The following DYDC2 variants were observed in gnomAD, a reference collection of about 807,000 sequenced individuals.
The protein encoded by DYDC2 is DPY30 domain containing 2, also known as DPY30 domain-containing protein 2.
DYDC2 carries 19 observed loss-of-function variants against 18.7 expected under a neutral mutation model. The ratio of observed to expected loss-of-function variants is 1.02; its 90% CI spans 0.71 to 1.49. DYDC2 has a LOEUF of 1.49. DYDC2 is among the 40% of genes most tolerant of loss of function. The pLI, the probability that DYDC2 is intolerant of heterozygous loss-of-function variation, is 0.00. For synonymous variants in DYDC2, 63 were observed against 67.6 expected, an observed-to-expected ratio of 0.93 and a Z score of 0.34; for missense variants, 179 against 205.1, an observed-to-expected ratio of 0.87 and a Z score of 0.78.
intron 3 of DYDC2, 53 bp downstream of exon 3, chr10:80,362,643 G>GA (rs1361858700): frequency 1.3e-6 from 2 of 1,547,350 alleles, no homozygotes; most frequent in Non-Finnish European, 1.7e-6. Context: ...AGAGTAATTT[G>GA]AAAGCCAAGA....
Position 80,358,012 on chromosome 10 carries a change from G to A in DYDC2, c.-43G>A. The stretch of plus-strand genomic sequence containing the variant: ...GTAAGCAGACCCTCAGAGGAGCTCT[G>A]GGAAACACTGAAAAATAGCCTCTCC... On this transcript the variant is annotated 5_prime_UTR_variant, in exon 2 of 5. Transcript: ENST00000256039. The A allele has an allele frequency of 1.0e-6, 1 of 985,542 alleles. No individual in the cohort carries two copies. The allele number at this position is 985,542 out of a possible 1,614,324, so 61.0% of individuals were successfully genotyped here.
intron 4 of DYDC2, among the ~76,000 whole-genome samples, chr10:80,365,529 G>A (rs538336231): frequency 6.6e-6 from 1 of 152,324 alleles, no homozygotes; most frequent in Non-Finnish European, 1.5e-5. Flanking sequence ...TTGAAGTGTA[G>A]AAGGGTCTCA....
chr10:80,359,589 CG>C (rs968696435), intron 2 of DYDC2, among the ~76,000 whole-genome samples: 23 of 152,168 alleles, frequency 1.5e-4, no homozygotes, highest in African/African-American at 5.6e-4. Flanking sequence ...CAGGAGCCCA[CG>C]GTGCGGGGGA....
intron 4 of DYDC2, among the ~76,000 whole-genome samples, chr10:80,365,403 T>A (rs1283327618): frequency 6.6e-6 from 1 of 152,204 alleles, no homozygotes; most frequent in Admixed American, 6.5e-5. Flanking sequence ...AAGTAAACCA[T>A]AATTTTGTTT....
intron 2 of DYDC2, among the ~76,000 whole-genome samples, chr10:80,360,763 CTTTTTTTTTTTTTT>C (rs3038615): frequency 7.2e-6 from 1 of 139,696 alleles, no homozygotes; most frequent in Non-Finnish European, 1.6e-5. Context: ...TTCTTTCTTT[CTTTTTTTTTTTTTT>C]TAGACAGGGT....
Position 80,356,811 on chromosome 10 carries a change from G to A in DYDC2, c.-177G>A, listed in dbSNP as rs910816175. 1 of 985,526 alleles carries A rather than the reference G, an allele frequency of 1.0e-6. No homozygotes were observed. The highest frequency in any genetic ancestry group is 1.7e-5 in the African/African-American group (1 of 57,234). The allele number at this position is 985,526 out of a possible 1,614,324, so 61.0% of individuals were successfully genotyped here. A position where few individuals can be genotyped will look rare whatever the true frequency, so the allele number is the denominator to read the frequency against. On this transcript the variant is annotated 5_prime_UTR_variant, in exon 1 of 5. Transcript: ENST00000256039. ...CCAGTGTAGGCGCCGCAAAGCGGAA[G>A]GGGCGCGCGGATAGGTGAGCAGAGG... is the stretch of plus-strand genomic sequence containing the variant.
chr10:80,366,820 C>G lies in DYDC2; in HGVS notation c.403C>G (p.Gln135Glu), dbSNP rs773168178. 2 of 1,614,186 alleles carry G rather than the reference C, an allele frequency of 1.2e-6. No individual in the cohort carries two copies. The highest frequency in any genetic ancestry group is 2.2e-5 in the South Asian group (2 of 91,088). Reference sequence around the variant, plus strand: ...CAGTCTGATTCCAGGAATGCCTCAACAGGTTCCTCCTTCAGAGTCTGCTGG... The same window carrying G: ...CAGTCTGATTCCAGGAATGCCTCAAGAGGTTCCTCCTTCAGAGTCTGCTGG... The part of the protein sequence containing the change: ...TSSLIPGMPQ[Q>E]VPPSESAGQI... The change falls in exon 5 of 5, where the codon CAG becomes GAG. Residue 135 changes from glutamine to glutamate, a missense_variant. Transcript: ENST00000256039.
In DYDC2 at chr10:80,362,441, A is replaced by C. The variant is rs1406643077; in HGVS notation, c.-3A>C. ...TTGTTTTGATGTTTTCCAGGCTGCCAGGATGGAAACTAACTACCTGAAGAG... is the reference window on the plus strand; with the variant it reads ...TTGTTTTGATGTTTTCCAGGCTGCCCGGATGGAAACTAACTACCTGAAGAG... On this transcript the variant is annotated 5_prime_UTR_variant, in exon 3 of 5. Transcript: ENST00000256039. 1 of 1,610,498 alleles carries C rather than the reference A, an allele frequency of 6.2e-7. No individual in the cohort carries two copies. Among genetic ancestry groups the C allele is most frequent in the East Asian group, 2.2e-5 (1 of 44,812 alleles).
In DYDC2 at chr10:80,366,882, A is replaced by C; in HGVS notation, c.465A>C (p.Ile155=). The C allele has an allele frequency of 6.2e-7, 1 of 1,614,164 alleles. No individual in the cohort carries two copies. The highest frequency in any genetic ancestry group is 1.1e-5 in the South Asian group (1 of 91,072). Residue 155 remains isoleucine, a synonymous_variant, in exon 5 of 5, where the codon ATA becomes ATC. Transcript: ENST00000256039. The stretch of plus-strand genomic sequence containing the variant: ...AGAACTTCAAAATGCCACAAGAAAT[A>C]AATTACAAGGAGGCTTTTCAGCATG... The part of the protein sequence containing the change: ...IDQNFKMPQE[I]NYKEAFQHEV...
At chr10:80,346,440 C>CTTTCTTTTTT (rs1842629030) in intron 1 of DYDC2, among the ~76,000 whole-genome samples, 1 of 92,416 alleles carries the variant, frequency 1.1e-5, no homozygotes, top group African/African-American at 6.1e-5. Flanking sequence ...TGTCTCTTCC[C>CTTTCTTTTTT]TTTCTTTTTT....
At chr10:80,362,409 T>A (rs1333129007) in intron 2 of DYDC2, 26 bp from the exon 3 acceptor site, 3 of 1,596,682 alleles carry the variant, frequency 1.9e-6, no homozygotes, top group Non-Finnish European at 2.6e-6. Flanking sequence ...TGTAAAATAG[T>A]GTGACTTTGT....
chr10:80,362,129 T>A (rs963773330), intron 2 of DYDC2, among the ~76,000 whole-genome samples: 1 of 152,216 alleles, frequency 6.6e-6, no homozygotes, highest in East Asian at 1.9e-4. Context: ...AATTGAAAAA[T>A]GCCTCCAGAA....
At chr10:80,346,613 A>G (rs1842655813) in intron 1 of DYDC2, among the ~76,000 whole-genome samples, 1 of 151,038 alleles carries the variant, frequency 6.6e-6, no homozygotes, top group Non-Finnish European at 1.5e-5. Context: ...GGCGCCCGCC[A>G]CCACGCCCGG....
chr10:80,366,191 C>A (rs1843833998), intron 4 of DYDC2, among the ~76,000 whole-genome samples: 1 of 151,938 alleles, frequency 6.6e-6, no homozygotes, highest in African/African-American at 2.4e-5. Context: ...CGCCACCACA[C>A]CCAGCTAATT....
intron 4 of DYDC2, among the ~76,000 whole-genome samples, chr10:80,363,500 A>G (rs1279308365): frequency 8.0e-6 from 1 of 125,074 alleles, no homozygotes; most frequent in African/African-American, 3.3e-5. Context: ...ACATGCCACC[A>G]CGCCCGGCTA....
At chr10:80,357,582 G>A (rs1369924399) in intron 1 of DYDC2, among the ~76,000 whole-genome samples, 1 of 152,116 alleles carries the variant, frequency 6.6e-6, no homozygotes, top group African/African-American at 2.4e-5. Flanking sequence ...TCACAACTCT[G>A]CACCTTTGCT....
chr10:80,348,636 T>C (rs1381656444), intron 1 of DYDC2, among the ~76,000 whole-genome samples: 1 of 152,260 alleles, frequency 6.6e-6, no homozygotes, highest in Non-Finnish European at 1.5e-5. Context: ...AATTTCCATA[T>C]TCTGAAATCC....
At chr10:80,357,459 G>A (rs1444177615) in intron 1 of DYDC2, among the ~76,000 whole-genome samples, 1 of 152,170 alleles carries the variant, frequency 6.6e-6, no homozygotes, top group Non-Finnish European at 1.5e-5. Context: ...GAGAGACAAA[G>A]AGGTGGCGGG....
At chr10:80,355,810 A>T (rs545586450), upstream of DYDC2, among the ~76,000 whole-genome samples, 29 of 152,256 alleles carry the variant, frequency 1.9e-4, no homozygotes, top group Non-Finnish European at 4.1e-4. Flanking sequence ...CGGAAAACAA[A>T]CTGGCACAAA....
Sources: allele counts gnomAD v4.1 joint callset (sites outside exome capture counted in the v4.1 genomes callset), GRCh38; gene constraint gnomAD v4.1.1; transcripts MANE v1.5; gene names NCBI Gene and HGNC (gene_info 2026-07-23, HGNC 2026-07-21).